HACD4: variants seen among roughly 807,000 people sequenced by gnomAD.
HACD4 encodes the protein very-long-chain (3R)-3-hydroxyacyl-CoA dehydratase 4.
In HACD4, 35 loss-of-function variants were observed where a neutral mutation model predicts 33.3. That is an observed-to-expected ratio of 1.05 (90% confidence interval 0.80 to 1.39). The LOEUF (loss-of-function observed/expected upper bound fraction) is 1.39. Among genes scored for constraint, HACD4 ranks in the 40% most tolerant of loss-of-function variants. The probability of loss-of-function intolerance (pLI) is 0.00; values close to 1 mark genes in which losing one functional copy is unlikely to be tolerated. For missense variants in HACD4, 323 were observed against 276.5 expected, an observed-to-expected ratio of 1.17 and a Z score of -1.19; for synonymous variants, 118 against 98.0, an observed-to-expected ratio of 1.20 and a Z score of -1.21.
chr9:21,021,761 T>A (rs970748406), intron 3 of HACD4, among the ~76,000 whole-genome samples: 1 of 152,170 alleles, frequency 6.6e-6, no homozygotes, highest in Non-Finnish European at 1.5e-5. Flanking sequence ...CATTCCATGC[T>A]CATGGGTAGG....
intron 3 of HACD4, among the ~76,000 whole-genome samples, chr9:21,023,855 G>A (rs530412116): frequency 1.6e-4 from 25 of 152,264 alleles, no homozygotes; most frequent in African/African-American, 5.3e-4. Flanking sequence ...GATTACAGGC[G>A]TGAGCCACTG....
intron 3 of HACD4, among the ~76,000 whole-genome samples, chr9:21,016,871 G>C (rs1432679359): frequency 6.6e-6 from 1 of 151,094 alleles, no homozygotes; most frequent in South Asian, 2.1e-4. Flanking sequence ...TATATTCCAA[G>C]TCAGCATTTA....
At chr9:21,016,235 A>C (rs1393584804) in intron 3 of HACD4, among the ~76,000 whole-genome samples, 1 of 151,708 alleles carries the variant, frequency 6.6e-6, no homozygotes, top group African/African-American at 2.4e-5. Context: ...AAAAAATGAC[A>C]TATATTTTAT....
At position 21,011,633 on chromosome 9, in the gene HACD4, T is replaced by C. The variant is rs1333982630; in HGVS notation, c.446A>G (p.Gln149Arg). ...AGGATAAATTGGCATCCATAGTGTT[T>C]GACTGAGCCATGTCAAGACAGCATA... Reference protein sequence around the residue: ...ISYAVLTWLSQTLWMPIYPLC... With the variant: ...ISYAVLTWLSRTLWMPIYPLC... Residue 149 changes from glutamine (Q) to arginine (R), a missense_variant, in exon 5 of 7, where the codon CAA (glutamine) becomes CGA (arginine). By Grantham distance (43) the Gln-to-Arg change is conservative (BLOSUM62 1). Transcript: ENST00000495827. The C allele has an allele frequency of 6.2e-7, 1 of 1,612,250 alleles. No individual in the cohort carries two copies. The highest frequency in any genetic ancestry group is 2.2e-5 in the East Asian group (1 of 44,832).
At chr9:21,014,880 G>A (rs540792358) in intron 4 of HACD4, among the ~76,000 whole-genome samples, 2 of 152,066 alleles carry the variant, frequency 1.3e-5, no homozygotes, top group South Asian at 4.2e-4. Context: ...ATGTTGTTTT[G>A]TTCTCCAATG....
rs1051880270 is a variant in HACD4 at position 21,000,325 on chromosome 9, C to T, written c.*6712G>A. The T allele has an allele frequency of 6.6e-6, 1 of 152,060 alleles. No homozygotes were observed. The allele number at this position is 152,060 out of a possible 1,614,324, so 9.4% of individuals were successfully genotyped here. A position where few individuals can be genotyped will look rare whatever the true frequency, so the allele number is the denominator to read the frequency against. On this transcript the variant is annotated 3_prime_UTR_variant, in exon 7 of 7. Coordinates refer to ENST00000495827, the MANE Select transcript of HACD4 (RefSeq NM_001010915.5). The stretch of plus-strand genomic sequence containing the variant: ...ATTTTTAAAGCCATAAAAAATCATC[C>T]CTGTTCTGAAAACATTGGTGGCTTT...
At chr9:21,015,809 G>A (rs1020404367) in intron 4 of HACD4, 89 bp downstream of exon 4, 23 of 720,456 alleles carry the variant, frequency 3.2e-5, no homozygotes, top group African/African-American at 3.0e-4. Flanking sequence ...TTCCTCTCTC[G>A]TACCAAGTAA....
rs982237265 is a variant in HACD4, at chr9:21,027,092, C to A, written c.143-369G>T. 3.5e-4 allele frequency among the ~76,000 whole-genome samples: 53 copies of A among 152,152 alleles called. 1 individual carries two copies. The highest frequency in any genetic ancestry group is 5.9e-5 in the Non-Finnish European group (4 of 68,020). On this transcript the variant is annotated intron_variant, in intron 2 of 6. Transcript: ENST00000495827. ...AATAGAAGTGAGCTTGTTAAGGACA[C>A]TATGTGCTCACAGCTTCTCCACTGA... is the stretch of plus-strand genomic sequence containing the variant.
intron 3 of HACD4, among the ~76,000 whole-genome samples, chr9:21,023,279 A>G (rs964074660): frequency 1.6e-4 from 25 of 151,902 alleles, no homozygotes; most frequent in Admixed American, 1.5e-3. Context: ...ATGACGAGTT[A>G]ATGGGTGCAG....
Position 21,011,632 on chromosome 9 carries a change from T to C in HACD4, c.447A>G (p.Gln149=). The C allele has an allele frequency of 1.2e-6, 2 of 1,612,206 alleles. No individual in the cohort carries two copies. Among genetic ancestry groups the C allele is most frequent in the Non-Finnish European group, 1.7e-6 (2 of 1,178,508 alleles). ...ISYAVLTWLS[Q]TLWMPIYPLC... is the part of the protein sequence containing the mutation. ...AAGGATAAATTGGCATCCATAGTGTTTGACTGAGCCATGTCAAGACAGCAT... is the reference window on the plus strand; with the variant it reads ...AAGGATAAATTGGCATCCATAGTGTCTGACTGAGCCATGTCAAGACAGCAT... Residue 149 remains glutamine, a synonymous_variant, in exon 5 of 7, where the codon CAA becomes CAG. Transcript: ENST00000495827.
At chr9:21,007,947 T>C in intron 6 of HACD4, 74 bp downstream of exon 6, 18 of 1,399,802 alleles carry the variant, frequency 1.3e-5, no homozygotes, top group East Asian at 2.4e-5. Flanking sequence ...CCAACCTGTA[T>C]ATTAAGGTAG....
intron 4 of HACD4, chr9:21,015,593 G>A: frequency 4.6e-6 from 1 of 216,060 alleles, no homozygotes; most frequent in Non-Finnish European, 9.1e-6. Context: ...CCGTACTAAA[G>A]CAATTGTGAG....
rs1470318108 is a variant in HACD4, at chr9:21,031,564, C to A, written c.27G>T (p.Trp9Cys). The A allele has an allele frequency of 1.4e-6, 2 of 1,455,856 alleles. No homozygotes were observed. The highest frequency in any genetic ancestry group is 1.5e-5 in the African/African-American group (1 of 67,610). The allele number at this position is 1,455,856 out of a possible 1,614,324, so 90.2% of individuals were successfully genotyped here. A position where few individuals can be genotyped will look rare whatever the true frequency, so the allele number is the denominator to read the frequency against. The change falls in exon 1 of 7, where the codon TGG (tryptophan) becomes TGT (cysteine). Residue 9 changes from tryptophan (W) to cysteine (C), a missense_variant. By Grantham distance (215) the Trp-to-Cys change is radical (BLOSUM62 -2). Coordinates refer to ENST00000495827, the MANE Select transcript of HACD4 (RefSeq NM_001010915.5). MGPLALPAWLQPRYRKNAY... is the reference protein window; with the variant it reads MGPLALPACLQPRYRKNAY... ...GCCGAGCGCCCTACCTGGGCTGCAG[C>A]CAGGCGGGCAGCGCCAAGGGCCCCA...
rs535611232 is a variant in HACD4 at position 21,014,761 on chromosome 9, C to T, written c.383+1137G>A. 2.6e-5 allele frequency among the ~76,000 whole-genome samples: 4 copies of T among 152,158 alleles called. No individual in the cohort carries two copies. In the East Asian group the frequency reaches 5.8e-4, roughly 22 times the overall value. ...AAATAAGAAAGGTTAAGTGATTTGC[C>T]CAACATCACTTAGCAAGTAAGTAGT... is the stretch of plus-strand genomic sequence containing the variant. On this transcript the variant is annotated intron_variant, in intron 4 of 6. Transcript: ENST00000495827.
chr9:21,008,911 T>G (rs1438006996), intron 5 of HACD4, among the ~76,000 whole-genome samples: 1 of 152,054 alleles, frequency 6.6e-6, no homozygotes, highest in Non-Finnish European at 1.5e-5. Flanking sequence ...CATAAAAAGT[T>G]TTTAAAAAGA....
At chr9:21,017,138 A>G (rs1842575242) in intron 3 of HACD4, among the ~76,000 whole-genome samples, 2 of 152,110 alleles carry the variant, frequency 1.3e-5, no homozygotes, top group East Asian at 3.9e-4. Context: ...TCTTTATTTT[A>G]AAAGTGGATC....
Position 21,031,622 on chromosome 9 carries a change from C to A in HACD4, c.-32G>T. On this transcript the variant is annotated 5_prime_UTR_variant, in exon 1 of 7. Coordinates refer to ENST00000495827, the MANE Select transcript of HACD4 (RefSeq NM_001010915.5). Reference sequence around the variant, plus strand: ...CCGCCGCCAGGGCTTCCAGCGCGGTCCAGGAAGGAGTACCGGGGAGGAGGC... The same window carrying A: ...CCGCCGCCAGGGCTTCCAGCGCGGTACAGGAAGGAGTACCGGGGAGGAGGC... The A allele has an allele frequency of 1.4e-6, 2 of 1,383,540 alleles. No individual in the cohort carries two copies. Among genetic ancestry groups the A allele is most frequent in the East Asian group, 3.1e-5 (1 of 32,586 alleles). 85.7% of individuals were successfully genotyped at this position (1,383,540 alleles called of 1,614,324 possible).
intron 5 of HACD4, 57 bp downstream of exon 5, chr9:21,011,532 C>G (rs1195518299): frequency 9.8e-7 from 1 of 1,022,522 alleles, no homozygotes; most frequent in Non-Finnish European, 1.5e-6. Context: ...TTTAGTGAAC[C>G]ATTATAACTA....
At chr9:21,011,556 A>G (rs1232861673) in intron 5 of HACD4, 33 bp downstream of exon 5, 2 of 1,291,208 alleles carry the variant, frequency 1.5e-6, no homozygotes, top group East Asian at 4.6e-5. Context: ...GGCTTTTGTC[A>G]GTAAGCAATA....
Sources: gnomAD v4.1 joint callset for allele counts (sites outside exome capture counted in the v4.1 genomes callset) on GRCh38, gnomAD v4.1.1 for gene constraint, MANE v1.5 for transcripts, NCBI Gene and HGNC (gene_info 2026-07-23, HGNC 2026-07-21) for gene names.